The following LIFR variants were observed in gnomAD, a reference collection of about 807,000 sequenced individuals.
LIFR encodes LIF receptor subunit alpha, also known as leukemia inhibitory factor receptor.
In LIFR, 84 loss-of-function variants were observed where a neutral mutation model predicts 122.2. That is an observed-to-expected ratio of 0.69 (90% CI 0.58 to 0.82). The LOEUF is 0.82. Among genes scored for constraint, LIFR ranks in the 40% least tolerant of loss-of-function variants. The probability of loss-of-function intolerance (pLI) is 0.00; values close to 1 mark genes in which losing one functional copy is unlikely to be tolerated. For synonymous variants in LIFR, 422 were observed against 434.7 expected, an observed-to-expected ratio of 0.97 and a Z score of 0.36; for missense variants, 1,294 against 1,311.6, an observed-to-expected ratio of 0.99 and a Z score of 0.21.
intron 1 of LIFR, among the ~76,000 whole-genome samples, chr5:38,587,753 C>T (rs146499518): frequency 2.0e-5 from 3 of 152,300 alleles, no homozygotes; most frequent in Admixed American, 1.3e-4. Context: ...TTGAACCCAG[C>T]GGGCTAGATT....
chr5:38,543,606 T>C (rs1388706438), intron 1 of LIFR, among the ~76,000 whole-genome samples: 3 of 152,194 alleles, frequency 2.0e-5, no homozygotes. Context: ...CCTCAGGAGA[T>C]ATCAGACAAG....
chr5:38,536,370 G>A (rs139358495), intron 1 of LIFR, among the ~76,000 whole-genome samples: 72 of 151,836 alleles, frequency 4.7e-4, no homozygotes, highest in African/African-American at 1.1e-3. Context: ...AAAAAGTACC[G>A]TTTAACAACT....
chr5:38,554,656 G>T (rs1748416921), intron 1 of LIFR, among the ~76,000 whole-genome samples: 1 of 151,996 alleles, frequency 6.6e-6, no homozygotes, highest in Non-Finnish European at 1.5e-5. Flanking sequence ...TCATCTTTAG[G>T]AATACAAACA....
chr5:38,537,361 T>A (rs572510150), intron 1 of LIFR, among the ~76,000 whole-genome samples: 1 of 152,322 alleles, frequency 6.6e-6, no homozygotes, highest in East Asian at 1.9e-4. Context: ...ATATTTCCCA[T>A]TCTTCCATCT....
chr5:38,485,875 T>C lies in LIFR; in HGVS notation c.2441A>G (p.Tyr814Cys). 6.2e-7 allele frequency: 1 copy of C among 1,614,206 alleles called. No homozygotes were observed. Among genetic ancestry groups the C allele is most frequent in the Admixed American group, 1.7e-5 (1 of 60,028 alleles). The change falls in exon 17 of 20, where the codon TAT (tyrosine) becomes TGT (cysteine). Residue 814 changes from tyrosine (Y) to cysteine (C), a missense_variant. Tyr to Cys is a radical substitution (Grantham distance 194). Coordinates refer to ENST00000453190, the MANE Select transcript of LIFR (RefSeq NM_001127671.2). ...CTCCGGGCCCACTCCACCATCTGTATAGGCTCGCAAGACCAGGTGGTAACT... is the reference window on the plus strand; with the variant it reads ...CTCCGGGCCCACTCCACCATCTGTACAGGCTCGCAAGACCAGGTGGTAACT... ...KTSYHLVLRA[Y>C]TDGGVGPEKS...
chr5:38,505,461 C>T (rs1308910140), intron 9 of LIFR, among the ~76,000 whole-genome samples: 1 of 150,192 alleles, frequency 6.7e-6, no homozygotes, highest in Non-Finnish European at 1.5e-5. Context: ...CAAATGAATG[C>T]ACATAAAAAC....
intron 1 of LIFR, among the ~76,000 whole-genome samples, chr5:38,531,517 A>T (rs1747007262): frequency 6.6e-6 from 1 of 152,050 alleles, no homozygotes; most frequent in African/African-American, 2.4e-5. Context: ...AACTCTAAAT[A>T]GTGTCCTCTG....
intron 5 of LIFR, among the ~76,000 whole-genome samples, chr5:38,517,981 A>G (rs1746193354): frequency 6.7e-6 from 1 of 149,806 alleles, no homozygotes; most frequent in Non-Finnish European, 1.5e-5. Flanking sequence ...AGCTGGGCAC[A>G]GCAGCATGCA....
intron 16 of LIFR, among the ~76,000 whole-genome samples, chr5:38,487,751 G>A (rs746544970): frequency 3.3e-5 from 5 of 152,220 alleles, no homozygotes; most frequent in Admixed American, 6.5e-5. Flanking sequence ...GTGAAACAGC[G>A]GAGAAGGGGA....
intron 1 of LIFR, among the ~76,000 whole-genome samples, chr5:38,532,118 T>C (rs1033538610): frequency 6.6e-6 from 1 of 152,158 alleles, no homozygotes; most frequent in African/African-American, 2.4e-5. Flanking sequence ...AAAATAATCA[T>C]AAACCATATT....
chr5:38,510,324 A>G (rs1363904675), intron 7 of LIFR, 140 bp downstream of exon 7: 1 of 777,458 alleles, frequency 1.3e-6, no homozygotes, highest in Admixed American at 2.4e-5. Flanking sequence ...GTGCCTTTGT[A>G]TAGCCTTTAT....
Position 38,511,960 on chromosome 5 carries a change from G to T in LIFR, c.566C>A (p.Thr189Asn). 1 of 1,613,798 alleles carries T rather than the reference G, an allele frequency of 6.2e-7. No homozygotes were observed. The highest frequency in any genetic ancestry group is 8.5e-7 in the Non-Finnish European group (1 of 1,179,906). ...KESMELVKLV[T>N]HNTTLNGKDT... is the part of the protein sequence containing the mutation. ...TTTGCCATTCAGAGTTGTGTTGTGG[G>T]TCACCTAAAAATGAACACAAACACA... The change falls in exon 6 of 20, where the codon ACC (threonine) becomes AAC (asparagine). Residue 189 changes from threonine (T) to asparagine (N), a missense_variant. Transcript: ENST00000453190.
intron 1 of LIFR, among the ~76,000 whole-genome samples, chr5:38,545,590 C>T (rs1381810315): frequency 1.3e-5 from 2 of 151,918 alleles, no homozygotes; most frequent in Non-Finnish European, 2.9e-5. Flanking sequence ...GGGCAGGGCA[C>T]GGTGGCTCAC....
intron 18 of LIFR, among the ~76,000 whole-genome samples, chr5:38,484,497 A>G (rs1404873314): frequency 6.6e-6 from 1 of 152,224 alleles, no homozygotes; most frequent in African/African-American, 2.4e-5. Flanking sequence ...AGCTATTGCC[A>G]TATTTCAGCC....
intron 1 of LIFR, among the ~76,000 whole-genome samples, chr5:38,590,935 T>C (rs1052628973): frequency 3.3e-5 from 5 of 152,184 alleles, no homozygotes; most frequent in African/African-American, 1.2e-4. Flanking sequence ...TGAAGCAATG[T>C]TGAGAAAAAG....
At chr5:38,484,448 T>C (rs1267679246) in intron 18 of LIFR, among the ~76,000 whole-genome samples, 1 of 152,238 alleles carries the variant, frequency 6.6e-6, no homozygotes, top group African/African-American at 2.4e-5. Context: ...CCAGGGCAAG[T>C]GAGATCTTAA....
intron 1 of LIFR, among the ~76,000 whole-genome samples, chr5:38,553,643 T>TATAC (rs1748341909): frequency 2.2e-5 from 2 of 92,272 alleles, no homozygotes; most frequent in African/African-American, 1.0e-4. Context: ...TATATATATA[T>TATAC]ATATATATAT....
intron 1 of LIFR, among the ~76,000 whole-genome samples, chr5:38,538,759 C>T (rs1158386093): frequency 6.6e-6 from 1 of 152,242 alleles, no homozygotes; most frequent in Non-Finnish European, 1.5e-5. Context: ...GGGCCTCACA[C>T]AATCCATCTT....
chr5:38,592,662 A>G (rs1201532059), intron 1 of LIFR, among the ~76,000 whole-genome samples: 2 of 151,640 alleles, frequency 1.3e-5, no homozygotes, highest in African/African-American at 2.4e-5. Context: ...GTCTCAAAAA[A>G]AAAAAAAAAA....
Sources: gnomAD v4.1 joint callset for allele counts (sites outside exome capture counted in the v4.1 genomes callset) on GRCh38, gnomAD v4.1.1 for gene constraint, MANE v1.5 for transcripts, NCBI Gene and HGNC (gene_info 2026-07-23, HGNC 2026-07-21) for gene names.